The following EPS15 variants were observed in gnomAD, a reference collection of about 807,000 sequenced individuals.
EPS15 encodes the protein epidermal growth factor receptor pathway substrate 15.
In EPS15, 72 loss-of-function variants were observed where a neutral mutation model predicts 113.8. That is an observed-to-expected ratio of 0.63 (90% confidence interval 0.52 to 0.77). EPS15 has a LOEUF of 0.77. Ranked by LOEUF, EPS15 falls within the 30% of genes least tolerant of loss-of-function variation. The pLI is 0.00. For synonymous variants in EPS15, 344 were observed against 363.4 expected (o/e 0.95, Z 0.61); for missense variants, 1,048 against 1,045.8 (o/e 1.00, Z -0.03).
At chr1:51,507,943 C>T (rs866846092) in intron 1 of EPS15, among the ~76,000 whole-genome samples, 2 of 151,530 alleles carry the variant, frequency 1.3e-5, no homozygotes, top group South Asian at 2.1e-4. Flanking sequence ...TTTGGGAGGC[C>T]GAGGCAGGTG....
At chr1:51,389,497 G>A (rs1451183965) in intron 21 of EPS15, among the ~76,000 whole-genome samples, 3 of 152,146 alleles carry the variant, frequency 2.0e-5, no homozygotes, top group Admixed American at 6.5e-5. Context: ...GGAAATAAAG[G>A]GTATTCAATT....
At chr1:51,434,316 A>C (rs1256491495) in intron 12 of EPS15, among the ~76,000 whole-genome samples, 1 of 152,244 alleles carries the variant, frequency 6.6e-6, no homozygotes, top group Non-Finnish European at 1.5e-5. Context: ...ATAGATGAAC[A>C]GGTAAACAAA....
At chr1:51,358,435 A>G (rs1410147801) in intron 24 of EPS15, among the ~76,000 whole-genome samples, 3 of 152,242 alleles carry the variant, frequency 2.0e-5, no homozygotes, top group African/African-American at 7.2e-5. Flanking sequence ...CAAATACTAA[A>G]TTAAAAATTC....
intron 1 of EPS15, among the ~76,000 whole-genome samples, chr1:51,488,299 T>G (rs1444081471): frequency 6.6e-6 from 1 of 152,050 alleles, no homozygotes; most frequent in East Asian, 1.9e-4. Context: ...TTATTACAAT[T>G]TAAAAGCAAT....
chr1:51,505,944 T>C (rs1262177456), intron 1 of EPS15, among the ~76,000 whole-genome samples: 2 of 152,158 alleles, frequency 1.3e-5, no homozygotes, highest in Admixed American at 6.5e-5. Flanking sequence ...TGGATTACAA[T>C]GGCGCAATCT....
rs1255204301 is a variant in EPS15, at chr1:51,374,420, C to G, written c.2120-8391G>C. Among the ~76,000 whole-genome samples the G allele has an allele frequency of 2.6e-5, 4 of 152,084 alleles. No homozygotes were observed. The East Asian group carries it at 7.7e-4, about 29-fold the overall frequency. The stretch of plus-strand genomic sequence containing the variant: ...TCACCTGAGGTCAGGGCTTCGAGAC[C>G]AGCCTGGCCAACGTCTTTACTAAAA... On this transcript the variant is annotated intron_variant, in intron 21 of 24. Transcript: ENST00000371733.
chr1:51,366,026 G>A lies in EPS15; in HGVS notation c.2123C>T (p.Thr708Ile). 1 of 1,610,118 alleles carries A rather than the reference G, an allele frequency of 6.2e-7. No homozygotes were observed. Among genetic ancestry groups the A allele is most frequent in the South Asian group, 1.1e-5 (1 of 90,696 alleles). Residue 708 changes from threonine (T) to isoleucine (I), a missense_variant, in exon 22 of 25, where the codon ACA (threonine) becomes ATA (isoleucine). Thr to Ile is a moderately conservative substitution (Grantham distance 89, BLOSUM62 -1). Transcript: ENST00000371733. ...CCCAAAAACAGAAGCAAAGGGGTCT[G>A]TGGCTAAAATGAATAAAGAAAATAA... ...GTVVAASDSA[T>I]DPFASVFGNE...
At chr1:51,502,855 A>G (rs1383637934) in intron 1 of EPS15, among the ~76,000 whole-genome samples, 2 of 152,056 alleles carry the variant, frequency 1.3e-5, no homozygotes, top group African/African-American at 4.8e-5. Flanking sequence ...AAATACAAAA[A>G]TTAGCTGGGC....
At chr1:51,406,785 T>C (rs1475242666) in intron 15 of EPS15, among the ~76,000 whole-genome samples, 1 of 152,164 alleles carries the variant, frequency 6.6e-6, no homozygotes, top group African/African-American at 2.4e-5. Context: ...TTTTTAAAAA[T>C]GTGTAAGTTC....
chr1:51,364,632 C>G (rs1021830549), intron 22 of EPS15, among the ~76,000 whole-genome samples: 6 of 151,380 alleles, frequency 4.0e-5, no homozygotes, highest in Non-Finnish European at 8.8e-5. Context: ...ATAGCTAGGA[C>G]TACAGGTGTG....
At chr1:51,387,819 G>A (rs992104200) in intron 21 of EPS15, among the ~76,000 whole-genome samples, 1 of 152,164 alleles carries the variant, frequency 6.6e-6, no homozygotes, top group African/African-American at 2.4e-5. Context: ...GATTCATAAA[G>A]CAAGTCCTTA....
In EPS15 at chr1:51,406,002, C is replaced by T. The variant is rs780844723; in HGVS notation, c.1580G>A (p.Cys527Tyr). 1.2e-5 allele frequency: 19 copies of T among 1,614,014 alleles called. No individual in the cohort carries two copies. Among genetic ancestry groups the T allele is most frequent in the Non-Finnish European group, 1.0e-5 (12 of 1,180,018 alleles). The change falls in exon 16 of 25, where the codon TGC (cysteine) becomes TAC (tyrosine). Residue 527 changes from cysteine (C) to tyrosine (Y), a missense_variant. Cys to Tyr is a radical substitution (Grantham distance 194). Transcript: ENST00000371733. ...TTCACTGCTGCTGGTGCTGAGGCTG[C>T]AATAATCTGTAGCTCCGTTTACAAG... ...SILVNGATDY[C>Y]SLSTSSSETA...
intron 11 of EPS15, among the ~76,000 whole-genome samples, chr1:51,443,072 G>C (rs1652719338): frequency 6.6e-6 from 1 of 152,066 alleles, no homozygotes; most frequent in South Asian, 2.1e-4. Context: ...AGATAGCAGT[G>C]ATAAATTCCC....
chr1:51,425,045 T>A (rs373957779), intron 12 of EPS15, among the ~76,000 whole-genome samples: 1 of 152,200 alleles, frequency 6.6e-6, no homozygotes, highest in South Asian at 2.1e-4. Context: ...CTACTCATCC[T>A]CTATTTTAGA....
At chr1:51,369,128 A>G (rs960578268) in intron 21 of EPS15, among the ~76,000 whole-genome samples, 1 of 152,230 alleles carries the variant, frequency 6.6e-6, no homozygotes, top group Non-Finnish European at 1.5e-5. Context: ...TATTGTGAAC[A>G]AAATTAATTT....
intron 18 of EPS15, chr1:51,401,274 C>CAA (rs1362416178): frequency 1.0e-4 from 16 of 160,348 alleles, no homozygotes; most frequent in East Asian, 3.1e-4. Context: ...TTTACTGAAG[C>CAA]AAAAAAAAAA....
chr1:51,486,294 G>A (rs558326766), intron 1 of EPS15, among the ~76,000 whole-genome samples: 38 of 151,494 alleles, frequency 2.5e-4, no homozygotes, highest in South Asian at 1.7e-3. Context: ...ACATGGTGGC[G>A]GGCACCTGTA....
chr1:51,480,313 T>C (rs1235913263), intron 2 of EPS15, among the ~76,000 whole-genome samples: 1 of 152,214 alleles, frequency 6.6e-6, no homozygotes, highest in Non-Finnish European at 1.5e-5. Context: ...AATAAGATTG[T>C]CTACACCTTC....
intron 6 of EPS15, among the ~76,000 whole-genome samples, chr1:51,464,155 A>G (rs1306165899): frequency 6.6e-6 from 1 of 152,198 alleles, no homozygotes; most frequent in African/African-American, 2.4e-5. Flanking sequence ...CCAGAGCAAA[A>G]AAGTAACTTT....
Sources: gnomAD v4.1 joint callset for allele counts (sites outside exome capture counted in the v4.1 genomes callset) on GRCh38, gnomAD v4.1.1 for gene constraint, MANE v1.5 for transcripts, NCBI Gene and HGNC (gene_info 2026-07-23, HGNC 2026-07-21) for gene names.